Variants in DCC observed in about 807,000 individuals in gnomAD.
DCC encodes netrin receptor DCC.
A neutral mutation model predicts 172.5 loss-of-function variants in DCC; 58 were observed. That is an observed-to-expected ratio of 0.34 (90% CI 0.27 to 0.42). The LOEUF is 0.42. Ranked by LOEUF, DCC falls within the 10% of genes least tolerant of loss-of-function variation. DCC has a pLI of 1.00. For missense variants in DCC, 1,740 were observed against 1,791.0 expected, an observed-to-expected ratio of 0.97 and a Z score of 0.51; for synonymous variants, 709 against 644.5, an observed-to-expected ratio of 1.10 and a Z score of -1.52.
At chr18:53,470,280 A>G (rs1050317202) in intron 25 of DCC, among the ~76,000 whole-genome samples, 14 of 152,306 alleles carry the variant, frequency 9.2e-5, no homozygotes, top group Middle Eastern at 3.4e-3. Flanking sequence ...ACATAGCAAG[A>G]GTCTCCTTTG....
intron 2 of DCC, among the ~76,000 whole-genome samples, chr18:52,890,227 G>T (rs2039628562): frequency 1.3e-5 from 2 of 152,274 alleles, no homozygotes; most frequent in African/African-American, 4.8e-5. Context: ...AGGCAAAGAG[G>T]ATGCAATGTT....
chr18:53,222,595 C>A (rs1263071719), intron 12 of DCC, among the ~76,000 whole-genome samples: 6 of 151,694 alleles, frequency 4.0e-5, no homozygotes, highest in Admixed American at 3.9e-4. Context: ...ACCATATTGT[C>A]CAGGCTGGTC....
intron 5 of DCC, among the ~76,000 whole-genome samples, chr18:52,975,496 T>C (rs2041102913): frequency 1.3e-5 from 2 of 152,174 alleles, no homozygotes; most frequent in African/African-American, 4.8e-5. Flanking sequence ...CTTTTCCTGA[T>C]CCTCTCCCTC....
chr18:53,389,691 C>T (rs1047376342), intron 16 of DCC, among the ~76,000 whole-genome samples: 2 of 152,054 alleles, frequency 1.3e-5, no homozygotes, highest in Non-Finnish European at 2.9e-5. Context: ...CTGTGTAAGT[C>T]CATCAAGAAA....
In DCC at chr18:53,011,835, G is replaced by A. The variant is rs574437027; in HGVS notation, c.986-51470G>A. Among the ~76,000 whole-genome samples, 425 of 151,030 alleles carry A rather than the reference G, an allele frequency of 2.8e-3. 2 individuals are homozygous for A. The highest frequency in any genetic ancestry group is 8.9e-3 in the African/African-American group (365 of 41,222). On this transcript the variant is annotated intron_variant, in intron 5 of 28. Coordinates refer to ENST00000442544, the MANE Select transcript of DCC (RefSeq NM_005215.4). Reference sequence around the variant, plus strand: ...CACAGGTTTATCCAGTCCTTCATCCGGTCACATATTCATATTATAATGATT... The same window carrying A: ...CACAGGTTTATCCAGTCCTTCATCCAGTCACATATTCATATTATAATGATT...
At chr18:53,090,155 C>T (rs994868921) in intron 7 of DCC, among the ~76,000 whole-genome samples, 4 of 152,168 alleles carry the variant, frequency 2.6e-5, no homozygotes, top group African/African-American at 7.2e-5. Context: ...CTTGCATTGT[C>T]GCTTGGTATA....
At chr18:52,651,910 G>T (rs1411471397) in intron 1 of DCC, among the ~76,000 whole-genome samples, 1 of 152,174 alleles carries the variant, frequency 6.6e-6, no homozygotes, top group Non-Finnish European at 1.5e-5. Flanking sequence ...ATAAGTGGGA[G>T]GATATGTAAA....
chr18:52,341,184 G>A (rs1240918519), intron 1 of DCC, among the ~76,000 whole-genome samples: 3 of 152,128 alleles, frequency 2.0e-5, no homozygotes, highest in African/African-American at 7.2e-5. Flanking sequence ...AGGTGCTGGG[G>A]ATATCGTTGA....
At chr18:52,357,273 T>G (rs1046070675) in intron 1 of DCC, among the ~76,000 whole-genome samples, 5 of 152,134 alleles carry the variant, frequency 3.3e-5, no homozygotes, top group Admixed American at 3.3e-4. Flanking sequence ...CTGGAACTTA[T>G]GCAGAAAACA....
chr18:52,724,222 C>A (rs940890436), intron 1 of DCC, among the ~76,000 whole-genome samples: 4 of 152,196 alleles, frequency 2.6e-5, no homozygotes, highest in African/African-American at 7.2e-5. Flanking sequence ...TCAGGACTCA[C>A]TGCAATTTTG....
chr18:52,765,972 G>T (rs974224193), intron 2 of DCC, among the ~76,000 whole-genome samples: 3 of 152,162 alleles, frequency 2.0e-5, no homozygotes, highest in African/African-American at 7.2e-5. Context: ...AGTGAAGCAG[G>T]ACGTTTCCCT....
intron 7 of DCC, among the ~76,000 whole-genome samples, chr18:53,143,316 G>T (rs2043857653): frequency 1.3e-5 from 2 of 152,130 alleles, no homozygotes; most frequent in Admixed American, 6.5e-5. Flanking sequence ...TAGTTAAGAA[G>T]GCAGTATAGC....
chr18:53,052,228 T>C (rs1273016671), intron 5 of DCC, among the ~76,000 whole-genome samples: 2 of 152,110 alleles, frequency 1.3e-5, no homozygotes, highest in Non-Finnish European at 2.9e-5. Flanking sequence ...TCTGTTGTTT[T>C]ATCCTCCAGT....
chr18:53,250,019 C>A (rs2056410190), intron 12 of DCC, among the ~76,000 whole-genome samples: 2 of 151,894 alleles, frequency 1.3e-5, no homozygotes, highest in African/African-American at 4.8e-5. Flanking sequence ...TAAGGCTCTT[C>A]GTGAAGATCT....
chr18:53,369,019 A>G (rs982807346), intron 15 of DCC, among the ~76,000 whole-genome samples: 2 of 152,006 alleles, frequency 1.3e-5, no homozygotes, highest in African/African-American at 4.8e-5. Context: ...TGTAAAACAC[A>G]TTGGGTTGTA....
chr18:53,486,429 GAAC>G (rs1010889470), intron 25 of DCC, among the ~76,000 whole-genome samples: 2 of 152,016 alleles, frequency 1.3e-5, no homozygotes, highest in Non-Finnish European at 2.9e-5. Context: ...TTTGATTTGT[GAAC>G]AACCTAACCT....
intron 1 of DCC, among the ~76,000 whole-genome samples, chr18:52,569,347 G>A (rs944329525): frequency 6.6e-6 from 1 of 152,186 alleles, no homozygotes; most frequent in Admixed American, 6.5e-5. Flanking sequence ...AGTGAGCACA[G>A]TCTTAATGAT....
At chr18:53,455,519 C>G (rs2045472331) in intron 23 of DCC, among the ~76,000 whole-genome samples, 3 of 152,128 alleles carry the variant, frequency 2.0e-5, no homozygotes, top group Non-Finnish European at 4.4e-5. Flanking sequence ...ATGGGTAAAC[C>G]AGTACAGAAC....
chr18:53,351,976 C>G (rs1156339938), intron 15 of DCC, among the ~76,000 whole-genome samples: 1 of 151,958 alleles, frequency 6.6e-6, no homozygotes, highest in African/African-American at 2.4e-5. Flanking sequence ...TTAAATGTTA[C>G]TTTAACACCA....
Sources: allele counts gnomAD v4.1 joint callset (sites outside exome capture counted in the v4.1 genomes callset), GRCh38; gene constraint gnomAD v4.1.1; transcripts MANE v1.5; gene names NCBI Gene and HGNC (gene_info 2026-07-23, HGNC 2026-07-21).